Variants in CLIP4 observed in about 807,000 individuals in gnomAD.
CLIP4 encodes the protein CAP-Gly domain containing linker protein family member 4.
Under a neutral mutation model 73.1 loss-of-function variants are expected in CLIP4, and 47 were observed. That is an observed-to-expected ratio of 0.64 (90% CI 0.51 to 0.82). The LOEUF (loss-of-function observed/expected upper bound fraction) is 0.82, where lower values mean the gene tolerates loss of function less well. CLIP4 is among the 40% of genes least tolerant of loss of function. The probability of loss-of-function intolerance (pLI) is 0.00; values close to 1 mark genes in which losing one functional copy is unlikely to be tolerated. For missense variants in CLIP4, 874 were observed against 852.9 expected (o/e 1.02, Z -0.31); for synonymous variants, 306 against 295.4 (o/e 1.04, Z -0.37).
chr2:29,153,488 T>C (rs983228323), intron 9 of CLIP4, among the ~76,000 whole-genome samples: 1 of 135,102 alleles, frequency 7.4e-6, no homozygotes, highest in Non-Finnish European at 1.6e-5. Flanking sequence ...ATTCCCTAAC[T>C]TTGTATGTGC....
At chr2:29,151,799 C>G (rs149919097) in intron 8 of CLIP4, among the ~76,000 whole-genome samples, 63 of 152,076 alleles carry the variant, frequency 4.1e-4, no homozygotes, top group African/African-American at 1.4e-3. Context: ...TTTTAAATAT[C>G]TTAGCCAGAT....
At chr2:29,122,940 C>T (rs1437140708) in intron 2 of CLIP4, among the ~76,000 whole-genome samples, 1 of 150,958 alleles carries the variant, frequency 6.6e-6, no homozygotes, top group Non-Finnish European at 1.5e-5. Context: ...TTTTCAGGAT[C>T]TCTGTCAGAT....
In CLIP4 at chr2:29,135,657, T is replaced by C. The variant is rs762445192; in HGVS notation, c.639T>C (p.Pro213=). ...VKCLLEQGAN[P]AFRNDKGQIP... The stretch of plus-strand genomic sequence containing the variant: ...GCCTCTTGGAGCAGGGAGCAAATCC[T>C]GCATTTAGGGTAAGAGGTTAAATTA... The change falls in exon 6 of 16, where the codon CCT becomes CCC. Residue 213 remains proline, a synonymous_variant. Coordinates refer to ENST00000320081, the MANE Select transcript of CLIP4 (RefSeq NM_024692.6). 6.2e-7 allele frequency: 1 copy of C among 1,601,980 alleles called. No individual in the cohort carries two copies. Among genetic ancestry groups the C allele is most frequent in the Non-Finnish European group, 8.5e-7 (1 of 1,173,278 alleles).
intron 8 of CLIP4, among the ~76,000 whole-genome samples, chr2:29,151,322 T>C (rs1416026490): frequency 6.6e-6 from 1 of 152,226 alleles, no homozygotes; most frequent in East Asian, 1.9e-4. Context: ...CATACAAATA[T>C]ACATTCCCAG....
At chr2:29,169,019 ACC>A (rs1402733777) in intron 14 of CLIP4, among the ~76,000 whole-genome samples, 8 of 151,072 alleles carry the variant, frequency 5.3e-5, no homozygotes, top group African/African-American at 2.0e-4. Flanking sequence ...TTTGTATGAT[ACC>A]AATCCTTAAA....
intron 14 of CLIP4, among the ~76,000 whole-genome samples, chr2:29,169,336 T>G (rs3112922): frequency 7.6e-5 from 1 of 13,086 alleles, no homozygotes; most frequent in Non-Finnish European, 1.7e-4. Context: ...TCACTGTGTG[T>G]GTGTGTGTGT....
intron 1 of CLIP4, among the ~76,000 whole-genome samples, chr2:29,100,393 C>T (rs541010568): frequency 5.7e-4 from 86 of 151,890 alleles, no homozygotes; most frequent in Non-Finnish European, 8.7e-4. Context: ...TATAGAAAAT[C>T]GAGCCGACAG....
intron 13 of CLIP4, among the ~76,000 whole-genome samples, chr2:29,166,025 G>C (rs1189277575): frequency 6.6e-6 from 1 of 150,870 alleles, no homozygotes; most frequent in Non-Finnish European, 1.5e-5. Context: ...TCTCAATCCA[G>C]CTGTCTTCCT....
At chr2:29,134,502 C>T (rs1665209779) in intron 5 of CLIP4, among the ~76,000 whole-genome samples, 1 of 152,232 alleles carries the variant, frequency 6.6e-6, no homozygotes, top group South Asian at 2.1e-4. Flanking sequence ...AACCTCCAAT[C>T]TGCATAATTG....
Position 29,167,490 on chromosome 2 carries a change from T to C in CLIP4, c.1673T>C (p.Leu558Pro), listed in dbSNP as rs551702722. 6.2e-7 allele frequency: 1 copy of C among 1,608,800 alleles called. No individual in the cohort carries two copies. The highest frequency in any genetic ancestry group is 1.1e-5 in the South Asian group (1 of 89,936). The change falls in exon 14 of 16, where the codon CTG becomes CCG. Residue 558 changes from leucine to proline, a missense_variant. Leu to Pro is a moderately conservative substitution (Grantham distance 98, BLOSUM62 -3). Transcript: ENST00000320081. ...PSRVQRVTDS[L>P]DTLSEISSNK... ...TTTATTCATAGAGTAACAGATTCCC[T>C]GGATACCCTTTCAGAAATTTCTTCA...
At chr2:29,121,305 A>T in intron 1 of CLIP4, 69 bp from the exon 2 acceptor site, 2 of 1,398,646 alleles carry the variant, frequency 1.4e-6, no homozygotes, top group Non-Finnish European at 1.9e-6. Context: ...TTAGGCAGTT[A>T]TTGAAGGCAG....
intron 12 of CLIP4, among the ~76,000 whole-genome samples, chr2:29,162,543 C>T (rs555678074): frequency 2.6e-5 from 4 of 152,226 alleles, no homozygotes; most frequent in Admixed American, 2.6e-4. Flanking sequence ...CTACATGTTT[C>T]CAAGAGTTAC....
At chr2:29,144,363 C>A (rs1246907523) in intron 7 of CLIP4, among the ~76,000 whole-genome samples, 1 of 152,110 alleles carries the variant, frequency 6.6e-6, no homozygotes, top group Non-Finnish European at 1.5e-5. Context: ...ACAAATAGGG[C>A]AGTCTGAGAT....
At chr2:29,122,766 C>T (rs1415677474) in intron 2 of CLIP4, among the ~76,000 whole-genome samples, 2 of 133,040 alleles carry the variant, frequency 1.5e-5, no homozygotes, top group Non-Finnish European at 3.1e-5. Context: ...GCAGAGGTTG[C>T]AGTGAGCTGA....
At chr2:29,135,229 T>TA (rs1287429906) in intron 5 of CLIP4, among the ~76,000 whole-genome samples, 1 of 152,230 alleles carries the variant, frequency 6.6e-6, no homozygotes, top group African/African-American at 2.4e-5. Context: ...TGCAACAGAC[T>TA]TAATGGGAGA....
chr2:29,126,335 G>A (rs1224695745), intron 2 of CLIP4, among the ~76,000 whole-genome samples: 2 of 152,194 alleles, frequency 1.3e-5, no homozygotes, highest in East Asian at 3.8e-4. Context: ...TAGAGGTTAT[G>A]TTCTCATTCT....
intron 15 of CLIP4, among the ~76,000 whole-genome samples, chr2:29,176,675 A>C: frequency 6.6e-6 from 1 of 152,208 alleles, no homozygotes; most frequent in African/African-American, 2.4e-5. Flanking sequence ...CCTGATAGGC[A>C]TGAGGCGTTG....
chr2:29,175,292 G>A (rs1668260181), intron 15 of CLIP4: 3 of 152,248 alleles, frequency 2.0e-5, no homozygotes, highest in Admixed American at 2.0e-4. Flanking sequence ...GTACTGTTGA[G>A]AGGGTTGGGT....
intron 13 of CLIP4, among the ~76,000 whole-genome samples, chr2:29,165,855 C>A (rs1395753669): frequency 6.6e-6 from 1 of 152,040 alleles, no homozygotes; most frequent in African/African-American, 2.4e-5. Flanking sequence ...GCCACTTTCT[C>A]ATGGTTTCAT....
Sources: gnomAD v4.1 joint callset for allele counts (sites outside exome capture counted in the v4.1 genomes callset) on GRCh38, gnomAD v4.1.1 for gene constraint, MANE v1.5 for transcripts, NCBI Gene and HGNC (gene_info 2026-07-23, HGNC 2026-07-21) for gene names.